The following AGAP1 variants were observed in gnomAD, a reference collection of about 807,000 sequenced individuals.
AGAP1 encodes the protein arf-GAP with GTPase, ANK repeat and PH domain-containing protein 1.
A neutral mutation model predicts 105.3 loss-of-function variants in AGAP1; 29 were observed. The ratio of observed to expected loss-of-function variants is 0.28; its 90% CI spans 0.21 to 0.38. AGAP1 has a LOEUF of 0.38. Ranked by LOEUF, AGAP1 falls within the 10% of genes least tolerant of loss-of-function variation. The probability of loss-of-function intolerance (pLI) is 1.00; values close to 1 mark genes in which losing one functional copy is unlikely to be tolerated. For missense variants in AGAP1, 998 were observed against 1,165.1 expected (o/e 0.86, Z 2.09); for synonymous variants, 509 against 485.9 (o/e 1.05, Z -0.63).
At position 236,083,821 on chromosome 2, in the gene AGAP1, T is replaced by C. The variant is rs984417135; in HGVS notation, c.2114+34540T>C. Among the ~76,000 whole-genome samples, 2 of 152,178 alleles carry C rather than the reference T, an allele frequency of 1.3e-5. No homozygotes were observed. Among genetic ancestry groups the C allele is most frequent in the African/African-American group, 4.8e-5 (2 of 41,436 alleles). The stretch of plus-strand genomic sequence containing the variant: ...ATCGCAGAGCAAGGAGTGCCTCTTC[T>C]GAGATCCCATTCGATGCTCTGCCCT... On this transcript the variant is annotated intron_variant, in intron 16 of 17. Transcript: ENST00000304032. The surrounding 1 kb of genome is among the most constrained non-coding windows in gnomAD (Gnocchi z 5.3).
intron 1 of AGAP1, among the ~76,000 whole-genome samples, chr2:235,572,005 T>TACACACACACAC (rs1559257500): frequency 4.4e-4 from 33 of 75,264 alleles, no homozygotes; most frequent in African/African-American, 1.3e-3. Flanking sequence ...CACACACACT[T>TACACACACACAC]TTTTTTTTTT....
chr2:235,848,566 A>G lies in AGAP1; in HGVS notation c.1051-34779A>G, dbSNP rs555347750. ...TAATAATCCATTGATTGTGATGTCC[A>G]TGGTGAGATCATTACTCTCGAGAAT... On this transcript the variant is annotated intron_variant, in intron 9 of 17. Transcript: ENST00000304032. Among the ~76,000 whole-genome samples the G allele has an allele frequency of 4.5e-4, 68 of 152,376 alleles. No individual in the cohort carries two copies. The Middle Eastern group carries it at 0.014, about 30-fold the overall frequency.
intron 1 of AGAP1, among the ~76,000 whole-genome samples, chr2:235,678,742 C>T (rs1948895549): frequency 6.6e-6 from 1 of 151,956 alleles, no homozygotes; most frequent in Admixed American, 6.6e-5. Flanking sequence ...CTCCCTCCCG[C>T]CCCCACCTTG....
intron 6 of AGAP1, among the ~76,000 whole-genome samples, chr2:235,758,625 C>A (rs73996354): frequency 0.015 from 2,354 of 152,256 alleles, 56 homozygotes; most frequent in African/African-American, 0.051. Context: ...TTAAATTACA[C>A]TTCATTAAGG....
In AGAP1 at chr2:235,631,644, T is replaced by C. The variant is rs897097527; in HGVS notation, c.164-77535T>C. On this transcript the variant is annotated intron_variant, in intron 1 of 17. Transcript: ENST00000304032. This position sits in a 1 kb window ranked among gnomAD's most constrained non-coding sequence, Gnocchi z 5.4. Reference sequence around the variant, plus strand: ...TGCTTTCCGTGTGATTCTGGGCAAGTTGGTTAACCTCTCTGTGCTTAGGTG... The same window carrying C: ...TGCTTTCCGTGTGATTCTGGGCAAGCTGGTTAACCTCTCTGTGCTTAGGTG... Among the ~76,000 whole-genome samples, 3 of 152,242 alleles carry C rather than the reference T, an allele frequency of 2.0e-5. No individual in the cohort carries two copies. The highest frequency in any genetic ancestry group is 6.5e-5 in the Admixed American group (1 of 15,290).
In AGAP1 at chr2:235,550,298, T is replaced by C. The variant is rs913086481; in HGVS notation, c.163+55449T>C. Reference sequence around the variant, plus strand: ...ACGTCCCCACGTTCATGCCCTGTACTAGGGTCCCCTCTGGCACTCTTTCTC... The same window carrying C: ...ACGTCCCCACGTTCATGCCCTGTACCAGGGTCCCCTCTGGCACTCTTTCTC... On this transcript the variant is annotated intron_variant, in intron 1 of 17. Coordinates refer to ENST00000304032, the MANE Select transcript of AGAP1 (RefSeq NM_001037131.3). The surrounding 1 kb of genome is among the most constrained non-coding windows in gnomAD (Gnocchi z 4.6). Among the ~76,000 whole-genome samples the C allele has an allele frequency of 1.3e-5, 2 of 152,162 alleles. No individual in the cohort carries two copies. Among genetic ancestry groups the C allele is most frequent in the Non-Finnish European group, 2.9e-5 (2 of 68,026 alleles).
chr2:236,056,737 C>T lies in AGAP1; in HGVS notation c.2114+7456C>T, dbSNP rs1438809043. Among the ~76,000 whole-genome samples, 1 of 152,094 alleles carries T rather than the reference C, an allele frequency of 6.6e-6. No individual in the cohort carries two copies. The highest frequency in any genetic ancestry group is 1.5e-5 in the Non-Finnish European group (1 of 68,020). ...GAAGAGGAGGGAGACAAAAACATGG[C>T]CGGAGCACACAGCGCCCTGTGTGCT... On this transcript the variant is annotated intron_variant, in intron 16 of 17. Transcript: ENST00000304032. The surrounding 1 kb of genome is among the most constrained non-coding windows in gnomAD (Gnocchi z 4.6).
intron 6 of AGAP1, among the ~76,000 whole-genome samples, chr2:235,797,282 C>A (rs1957285219): frequency 6.6e-6 from 1 of 151,936 alleles, no homozygotes; most frequent in Admixed American, 6.6e-5. Context: ...CTTTACATTC[C>A]TCTGAGGTGG....
chr2:235,832,203 A>G (rs1042118647), intron 9 of AGAP1, among the ~76,000 whole-genome samples: 2 of 151,956 alleles, frequency 1.3e-5, no homozygotes, highest in Non-Finnish European at 2.9e-5. Context: ...TATGTTTTGG[A>G]TAATATTCCT....
intron 16 of AGAP1, chr2:236,072,484 A>C (rs1184640680): frequency 6.7e-6 from 1 of 149,208 alleles, no homozygotes; most frequent in Non-Finnish European, 1.5e-5. Context: ...TCTTGCCCAG[A>C]GTGGAGTACA....
rs2049691125 is a variant in AGAP1 at position 235,875,679 on chromosome 2, C to T, written c.1051-7666C>T. Among the ~76,000 whole-genome samples, 1 of 152,130 alleles carries T rather than the reference C, an allele frequency of 6.6e-6. No individual in the cohort carries two copies. Among genetic ancestry groups the T allele is most frequent in the African/African-American group, 2.4e-5 (1 of 41,426 alleles). ...GTCTCCTGTTTCCCATCTGCATTTG[C>T]TTATGGGGCGCCATGACACCAACAC... is the stretch of plus-strand genomic sequence containing the variant. On this transcript the variant is annotated intron_variant, in intron 9 of 17. Transcript: ENST00000304032. The surrounding 1 kb of genome is among the most constrained non-coding windows in gnomAD (Gnocchi z 4.0).
At chr2:236,010,495 T>A (rs1559188270) in intron 13 of AGAP1, among the ~76,000 whole-genome samples, 1 of 152,224 alleles carries the variant, frequency 6.6e-6, no homozygotes, top group Non-Finnish European at 1.5e-5. Context: ...CTTTCTTTTC[T>A]AAGTGCATCA....
At chr2:235,923,296 A>T (rs2052274753) in intron 11 of AGAP1, among the ~76,000 whole-genome samples, 1 of 152,180 alleles carries the variant, frequency 6.6e-6, no homozygotes. Context: ...GTTTCCTTGT[A>T]CAACCCTGTT....
intron 16 of AGAP1, among the ~76,000 whole-genome samples, chr2:236,116,294 A>G (rs370628472): frequency 6.6e-6 from 1 of 151,154 alleles, no homozygotes; most frequent in East Asian, 1.9e-4. Context: ...TACATAGTTT[A>G]AACAATGCTG....
At chr2:235,649,859 T>G (rs1208348462) in intron 1 of AGAP1, among the ~76,000 whole-genome samples, 1 of 152,240 alleles carries the variant, frequency 6.6e-6, no homozygotes, top group Non-Finnish European at 1.5e-5. Flanking sequence ...CTTCAGCTCC[T>G]CCATGCAAGC....
intron 1 of AGAP1, among the ~76,000 whole-genome samples, chr2:235,544,022 C>T (rs780219969): frequency 1.3e-5 from 2 of 152,184 alleles, no homozygotes; most frequent in Non-Finnish European, 2.9e-5. Context: ...CCCCATTCCT[C>T]ATGTGCTGGC....
At chr2:235,617,919 A>C (rs1456796249) in intron 1 of AGAP1, among the ~76,000 whole-genome samples, 1 of 152,134 alleles carries the variant, frequency 6.6e-6, no homozygotes, top group Non-Finnish European at 1.5e-5. Flanking sequence ...CTAAGATGGC[A>C]GTTGGGGGAC....
intron 3 of AGAP1, among the ~76,000 whole-genome samples, chr2:235,735,438 C>T (rs1348105781): frequency 1.3e-5 from 2 of 152,296 alleles, no homozygotes; most frequent in South Asian, 2.1e-4. Context: ...TGTAGCTCAA[C>T]CTCGCGTGAG....
rs1041607868 is a variant in AGAP1, at chr2:235,934,962, G to A, written c.1483+4039G>A. Among the ~76,000 whole-genome samples the A allele has an allele frequency of 2.0e-5, 3 of 152,202 alleles. No homozygotes were observed. The highest frequency in any genetic ancestry group is 2.9e-5 in the Non-Finnish European group (2 of 68,024). On this transcript the variant is annotated intron_variant, in intron 12 of 17. Coordinates refer to ENST00000304032, the MANE Select transcript of AGAP1 (RefSeq NM_001037131.3). The surrounding 1 kb of genome is among the most constrained non-coding windows in gnomAD (Gnocchi z 4.9). ...TCAAAGTCTCCTCTCTAGACACACC[G>A]GTCCCCCCGGGGTTTCTTCCTTTAA...
Sources: allele counts gnomAD v4.1 joint callset (sites outside exome capture counted in the v4.1 genomes callset), GRCh38; gene constraint gnomAD v4.1.1; non-coding constraint Gnocchi (gnomAD v3.1); transcripts MANE v1.5; gene names NCBI Gene and HGNC (gene_info 2026-07-23, HGNC 2026-07-21).